The following NYNRIN variants were observed in gnomAD, a reference collection of about 807,000 sequenced individuals.
NYNRIN encodes the protein protein NYNRIN.
In NYNRIN, 86 loss-of-function variants were observed where a neutral mutation model predicts 146.6. The ratio of observed to expected loss-of-function variants is 0.59; its 90% CI spans 0.49 to 0.70. The LOEUF (loss-of-function observed/expected upper bound fraction) is 0.70, where lower values mean the gene tolerates loss of function less well. Ranked by LOEUF, NYNRIN falls within the 30% of genes least tolerant of loss-of-function variation. NYNRIN has a pLI of 0.00. For missense variants in NYNRIN, 2,191 were observed against 2,377.7 expected, an observed-to-expected ratio of 0.92 and a Z score of 1.63; for synonymous variants, 1,027 against 1,001.3, an observed-to-expected ratio of 1.03 and a Z score of -0.48.
In NYNRIN at chr14:24,413,367, C is replaced by G; in HGVS notation, c.2796C>G (p.Pro932=). 1 of 1,613,630 alleles carries G rather than the reference C, an allele frequency of 6.2e-7. No homozygotes were observed. Among genetic ancestry groups the G allele is most frequent in the Non-Finnish European group, 8.5e-7 (1 of 1,179,754 alleles). Residue 932 remains proline, a synonymous_variant, in exon 8 of 9, where the codon CCC becomes CCG. Transcript: ENST00000382554. ...AGNLFMVPDD[P]LGRDGPTLDE... ...ATCTCTTCATGGTGCCTGATGACCCCCTGGGCCGTGATGGCCCCACCTTGG... is the reference window on the plus strand; with the variant it reads ...ATCTCTTCATGGTGCCTGATGACCCGCTGGGCCGTGATGGCCCCACCTTGG...
At position 24,399,462 on chromosome 14, in the gene NYNRIN, A is replaced by G; in HGVS notation, c.198+18A>G. On this transcript the variant is annotated intron_variant, in intron 2 of 8. Coordinates refer to ENST00000382554, the MANE Select transcript of NYNRIN (RefSeq NM_025081.3). ...AAGCCAAGGTAAACAGCTTCTCCCC[A>G]CCCCCACCCATCTCTTCCAGCCAGA... 1 of 1,507,370 alleles carries G rather than the reference A, an allele frequency of 6.6e-7. No individual in the cohort carries two copies. The highest frequency in any genetic ancestry group is 8.9e-7 in the Non-Finnish European group (1 of 1,124,148). The allele number at this position is 1,507,370 out of a possible 1,614,324, so 93.4% of individuals were successfully genotyped here.
chr14:24,407,510 T>C (rs1018512421), intron 2 of NYNRIN, among the ~76,000 whole-genome samples: 1 of 152,180 alleles, frequency 6.6e-6, no homozygotes, highest in African/African-American at 2.4e-5. Context: ...CTCAGGAGCA[T>C]CCAGTTTAAC....
chr14:24,415,964 C>A lies in NYNRIN; in HGVS notation c.4215C>A (p.Leu1405=). 1 of 1,613,908 alleles carries A rather than the reference C, an allele frequency of 6.2e-7. No homozygotes were observed. Among genetic ancestry groups the A allele is most frequent in the Non-Finnish European group, 8.5e-7 (1 of 1,179,892 alleles). The part of the protein sequence containing the change: ...RGFLSSDGAP[L]PHPSLLSYII... Reference sequence around the variant, plus strand: ...TCCTCTCCTCTGATGGGGCTCCACTCCCTCACCCAAGCCTGCTCTCCTACA... The same window carrying A: ...TCCTCTCCTCTGATGGGGCTCCACTACCTCACCCAAGCCTGCTCTCCTACA... The change falls in exon 9 of 9, where the codon CTC becomes CTA. Residue 1405 remains leucine, a synonymous_variant. Transcript: ENST00000382554.
Position 24,411,705 on chromosome 14 carries a change from C to T in NYNRIN, c.2642+255C>T, listed in dbSNP as rs948721552. ...GGACTCTGGAGTCCGTCTGCCTTAG[C>T]TAACAGGCATTCTTCCCCCATGACC... On this transcript the variant is annotated intron_variant, in intron 6 of 8. Coordinates refer to ENST00000382554, the MANE Select transcript of NYNRIN (RefSeq NM_025081.3). The surrounding 1 kb of genome is among the most constrained non-coding windows in gnomAD (Gnocchi z 4.3). Among the ~76,000 whole-genome samples the T allele has an allele frequency of 6.6e-6, 1 of 152,192 alleles. No homozygotes were observed. Among genetic ancestry groups the T allele is most frequent in the Non-Finnish European group, 1.5e-5 (1 of 68,030 alleles).
rs2139356311 is a variant in NYNRIN, at chr14:24,417,248, T to C, written c.5499T>C (p.Leu1833=). The change falls in exon 9 of 9, where the codon CTT becomes CTC. Residue 1833 remains leucine, a synonymous_variant. Transcript: ENST00000382554. Reference sequence around the variant, plus strand: ...AGTGGAATGTGGGTGACCAGGTCCTTTTGCTGTCCCTCCCCAGGAATGGCA... The same window carrying C: ...AGTGGAATGTGGGTGACCAGGTCCTCTTGCTGTCCCTCCCCAGGAATGGCA... ...EKEWNVGDQV[L]LLSLPRNGSS... is the part of the protein sequence containing the mutation. 1 of 1,613,958 alleles carries C rather than the reference T, an allele frequency of 6.2e-7. No individual in the cohort carries two copies. The highest frequency in any genetic ancestry group is 1.7e-5 in the Admixed American group (1 of 60,026).
At chr14:24,413,233 C>T (rs2042923300) in intron 7 of NYNRIN, 83 bp from the exon 8 acceptor site, 1 of 1,414,716 alleles carries the variant, frequency 7.1e-7, no homozygotes. Flanking sequence ...TGGGTCTCAG[C>T]GCCATGGAGA....
chr14:24,409,988 G>C lies in NYNRIN; in HGVS notation c.2194G>C (p.Ala732Pro), dbSNP rs376464969. ...GGGTCCCCAGTCCAGTGGCACCTTG[G>C]CCCTCAGCAGTAAGCACCAGTTTCA... ...RQGPQSSGTL[A>P]LSSKHQFQME... Residue 732 changes from alanine (A) to proline (P), a missense_variant, in exon 4 of 9, where the codon GCC becomes CCC. Ala to Pro is a conservative substitution (Grantham distance 27, BLOSUM62 -1). This residue lies in a region of NYNRIN where 895 missense variants were observed against 941.2 expected (regional missense o/e 0.95). Transcript: ENST00000382554. The C allele has an allele frequency of 2.0e-5, 33 of 1,613,792 alleles. No homozygotes were observed. The Middle Eastern group carries it at 5.0e-4, about 24-fold the overall frequency.
Position 24,416,216 on chromosome 14 carries a change from C to A in NYNRIN, c.4467C>A (p.Ala1489=), listed in dbSNP as rs575303770. 1.9e-6 allele frequency: 3 copies of A among 1,613,852 alleles called. No homozygotes were observed. Among genetic ancestry groups the A allele is most frequent in the Middle Eastern group, 1.6e-4 (1 of 6,084 alleles). Reference sequence around the variant, plus strand: ...TACAGCTGAGTGACAGCACCCTGGCCGACATCATTGCCAGGCTGCAGGCTG... The same window carrying A: ...TACAGCTGAGTGACAGCACCCTGGCAGACATCATTGCCAGGCTGCAGGCTG... ...LALQLSDSTL[A]DIIARLQAGQ... is the part of the protein sequence containing the mutation. Residue 1489 remains alanine, a synonymous_variant, in exon 9 of 9, where the codon GCC becomes GCA. Coordinates refer to ENST00000382554, the MANE Select transcript of NYNRIN (RefSeq NM_025081.3).
rs182330062 is a variant in NYNRIN, at chr14:24,409,998, G to C, written c.2204G>C (p.Ser735Thr). The C allele has an allele frequency of 1.2e-6, 2 of 1,613,848 alleles. No homozygotes were observed. Among genetic ancestry groups the C allele is most frequent in the South Asian group, 2.2e-5 (2 of 91,078 alleles). ...PQSSGTLALS[S>T]KHQFQMEGLL... ...TCCAGTGGCACCTTGGCCCTCAGCA[G>C]TAAGCACCAGTTTCAGATGGAGGGG... The change falls in exon 4 of 9, where the codon AGT becomes ACT. Residue 735 changes from serine to threonine, a missense_variant. Ser to Thr is a moderately conservative substitution (Grantham distance 58). Transcript: ENST00000382554.
chr14:24,415,578 G>T lies in NYNRIN; in HGVS notation c.3829G>T (p.Gly1277Cys). 6.2e-7 allele frequency: 1 copy of T among 1,613,888 alleles called. No homozygotes were observed. Among genetic ancestry groups the T allele is most frequent in the Non-Finnish European group, 8.5e-7 (1 of 1,179,878 alleles). ...GGCCCTGGAATTGGCCCTCCTCCAGGGCCTGCTGGGGGAGAACCGCCTGCT... is the reference window on the plus strand; with the variant it reads ...GGCCCTGGAATTGGCCCTCCTCCAGTGCCTGCTGGGGGAGAACCGCCTGCT... ...KRALELALLQGLLGENRLLTP... is the reference protein window; with the variant it reads ...KRALELALLQCLLGENRLLTP... The change falls in exon 9 of 9, where the codon GGC (glycine) becomes TGC (cysteine). Residue 1277 changes from glycine to cysteine, a missense_variant. Gly to Cys is a radical substitution (Grantham distance 159, BLOSUM62 -3). This residue lies in a region of NYNRIN where 1,291 missense variants were observed against 1,417.0 expected (regional missense o/e 0.91). Coordinates refer to ENST00000382554, the MANE Select transcript of NYNRIN (RefSeq NM_025081.3).
In NYNRIN at chr14:24,410,019, A is replaced by T. The variant is rs1343195473; in HGVS notation, c.2225A>T (p.Glu742Val). 1.2e-6 allele frequency: 2 copies of T among 1,613,650 alleles called. No homozygotes were observed. The highest frequency in any genetic ancestry group is 4.5e-5 in the East Asian group (2 of 44,896). ...AGCAGTAAGCACCAGTTTCAGATGG[A>T]GGGGCTCCTGGGGGCTTGGGAGGGG... is the stretch of plus-strand genomic sequence containing the variant. ...ALSSKHQFQMEGLLGAWEGAP... is the reference protein window; with the variant it reads ...ALSSKHQFQMVGLLGAWEGAP... The change falls in exon 4 of 9, where the codon GAG becomes GTG. Residue 742 changes from glutamate (E) to valine (V), a missense_variant. Glu to Val is a moderately radical substitution (Grantham distance 121, BLOSUM62 -2). Around this residue, in one of 3 missense-constraint regions of NYNRIN, gnomAD observed 895 missense variants for 941.2 expected, o/e 0.95. Coordinates refer to ENST00000382554, the MANE Select transcript of NYNRIN (RefSeq NM_025081.3).
At position 24,418,527 on chromosome 14, in the gene NYNRIN, C is replaced by G; in HGVS notation, c.*1081C>G. ...GTGTAGAGCAAAACCCAGGCTCCCTCACAGCCATTCTTTGCAGAGATCACC... is the reference window on the plus strand; with the variant it reads ...GTGTAGAGCAAAACCCAGGCTCCCTGACAGCCATTCTTTGCAGAGATCACC... On this transcript the variant is annotated 3_prime_UTR_variant, in exon 9 of 9. Coordinates refer to ENST00000382554, the MANE Select transcript of NYNRIN (RefSeq NM_025081.3). 3.1e-6 allele frequency: 1 copy of G among 319,698 alleles called. No homozygotes were observed. Among genetic ancestry groups the G allele is most frequent in the South Asian group, 2.4e-5 (1 of 42,402 alleles). The allele number at this position is 319,698 out of a possible 1,614,324, so 19.8% of individuals were successfully genotyped here.
In NYNRIN at chr14:24,408,401, T is replaced by C; in HGVS notation, c.731T>C (p.Phe244Ser). 1.9e-6 allele frequency: 3 copies of C among 1,613,792 alleles called. No homozygotes were observed. Among genetic ancestry groups the C allele is most frequent in the Non-Finnish European group, 2.5e-6 (3 of 1,179,868 alleles). ...MVSVGESPGP[F>S]VDMGTLQNRG... is the part of the protein sequence containing the mutation. ...TCCGTGGGAGAGAGTCCTGGACCCT[T>C]TGTGGACATGGGGACCCTCCAGAAC... The change falls in exon 3 of 9, where the codon TTT becomes TCT. Residue 244 changes from phenylalanine to serine, a missense_variant. Physicochemically the swap from Phe to Ser is radical, Grantham distance 155. Coordinates refer to ENST00000382554, the MANE Select transcript of NYNRIN (RefSeq NM_025081.3).
chr14:24,415,680 C>A lies in NYNRIN; in HGVS notation c.3931C>A (p.His1311Asn). 1 of 1,613,996 alleles carries A rather than the reference C, an allele frequency of 6.2e-7. No individual in the cohort carries two copies. The highest frequency in any genetic ancestry group is 8.5e-7 in the Non-Finnish European group (1 of 1,179,870). Residue 1311 changes from histidine to asparagine, a missense_variant, in exon 9 of 9, where the codon CAC becomes AAC. Physicochemically the swap from His to Asn is moderately conservative, Grantham distance 68 (BLOSUM62 1). This residue lies in a region of NYNRIN where 1,291 missense variants were observed against 1,417.0 expected (regional missense o/e 0.91). Transcript: ENST00000382554. ...FSDLSTFVCIHMSGYCFYRED... is the reference protein window; with the variant it reads ...FSDLSTFVCINMSGYCFYRED... ...TGACCTGTCCACGTTCGTCTGCATC[C>A]ACATGTCGGGCTACTGCTTCTACCG...
intron 3 of NYNRIN, 55 bp downstream of exon 3, chr14:24,408,582 C>T: frequency 1.3e-6 from 2 of 1,537,516 alleles, no homozygotes; most frequent in African/African-American, 1.4e-5. Context: ...CTCCCCTACC[C>T]TAAGGAAATA....
At chr14:24,401,468 T>G (rs1357916550) in intron 2 of NYNRIN, among the ~76,000 whole-genome samples, 2 of 151,840 alleles carry the variant, frequency 1.3e-5, no homozygotes, top group Non-Finnish European at 2.9e-5. Flanking sequence ...TCTCAGGGGT[T>G]AGGGGATCTG....
chr14:24,407,959 C>T lies in NYNRIN; in HGVS notation c.289C>T (p.Leu97Phe), dbSNP rs769191962. 3.1e-6 allele frequency: 5 copies of T among 1,613,868 alleles called. No individual in the cohort carries two copies. The East Asian group carries it at 1.1e-4, about 36-fold the overall frequency. The change falls in exon 3 of 9, where the codon CTC (leucine) becomes TTC (phenylalanine). Residue 97 changes from leucine to phenylalanine, a missense_variant. Leu to Phe is a conservative substitution (Grantham distance 22). Around this residue, in one of 3 missense-constraint regions of NYNRIN, gnomAD observed 895 missense variants for 941.2 expected, o/e 0.95. Coordinates refer to ENST00000382554, the MANE Select transcript of NYNRIN (RefSeq NM_025081.3). ...LHCAFLGAQGLFLDCLCWSTL... is the reference protein window; with the variant it reads ...LHCAFLGAQGFFLDCLCWSTL... ...CTGTGCCTTCCTTGGGGCCCAAGGCCTCTTCCTGGACTGCCTCTGCTGGAG... is the reference window on the plus strand; with the variant it reads ...CTGTGCCTTCCTTGGGGCCCAAGGCTTCTTCCTGGACTGCCTCTGCTGGAG...
At chr14:24,399,200 C>A in intron 1 of NYNRIN, 30 bp from the exon 2 acceptor site, 2 of 1,581,602 alleles carry the variant, frequency 1.3e-6, no homozygotes, top group South Asian at 2.2e-5. Context: ...CCCCGAGACC[C>A]GGGTGACACT....
intron 2 of NYNRIN, among the ~76,000 whole-genome samples, chr14:24,405,548 A>G (rs922278375): frequency 6.6e-6 from 1 of 152,082 alleles, no homozygotes; most frequent in African/African-American, 2.4e-5. Flanking sequence ...TAGGCAGGAA[A>G]GCTGTTCAGG....
Sources: gnomAD v4.1 joint callset for allele counts (sites outside exome capture counted in the v4.1 genomes callset) on GRCh38, gnomAD v4.1.1 for gene constraint, gnomAD v4.1.1 regional missense constraint, Gnocchi (gnomAD v3.1) non-coding constraint, MANE v1.5 for transcripts, NCBI Gene and HGNC (gene_info 2026-07-23, HGNC 2026-07-21) for gene names.